PALM2AKAP2: variants seen among roughly 807,000 people sequenced by gnomAD.
PALM2AKAP2 encodes the protein PALM2-AKAP2 fusion protein.
In PALM2AKAP2, 37 loss-of-function variants were observed where a neutral mutation model predicts 71.5. The ratio of observed to expected loss-of-function variants is 0.52; its 90% confidence interval spans 0.40 to 0.68. The LOEUF is 0.68. Among genes scored for constraint, PALM2AKAP2 ranks in the 30% least tolerant of loss-of-function variants. PALM2AKAP2 has a pLI of 0.00. For missense variants in PALM2AKAP2, 1,224 were observed against 1,191.8 expected (o/e 1.03, Z -0.40); for synonymous variants, 468 against 478.8 (o/e 0.98, Z 0.29).
intron 6 of PALM2AKAP2, among the ~76,000 whole-genome samples, chr9:109,975,842 G>A (rs1832162913): frequency 6.6e-6 from 1 of 152,192 alleles, no homozygotes. Flanking sequence ...CATTGCTGGG[G>A]AACCACGGGG....
chr9:109,656,460 C>T (rs1304981475), intron 1 of PALM2AKAP2, among the ~76,000 whole-genome samples: 2 of 152,204 alleles, frequency 1.3e-5, no homozygotes, highest in Admixed American at 6.5e-5. Flanking sequence ...TAGGTCCCTT[C>T]CAGAGTTTTC....
Position 109,686,804 on chromosome 9 carries a change from T to A in PALM2AKAP2, c.5+45938T>A, listed in dbSNP as rs558838304. Among the ~76,000 whole-genome samples the A allele has an allele frequency of 5.3e-5, 8 of 151,866 alleles. No homozygotes were observed. The East Asian group carries it at 1.6e-3, about 30-fold the overall frequency. On this transcript the variant is annotated intron_variant, in intron 1 of 6. Transcript: ENST00000374531. Reference sequence around the variant, plus strand: ...AACTCCTCATTTAACATTAGGTATATCTCCTAGTGCTATCCCTCCCCCCTC... The same window carrying A: ...AACTCCTCATTTAACATTAGGTATAACTCCTAGTGCTATCCCTCCCCCCTC...
Position 109,806,615 on chromosome 9 carries a change from C to G in PALM2AKAP2, c.45+26082C>G, listed in dbSNP as rs1051980276. Reference sequence around the variant, plus strand: ...CCTTACTAATAAGCTAGTGTTGGAGCTGTGATAAAAAACAAAGAGTGAGCC... The same window carrying G: ...CCTTACTAATAAGCTAGTGTTGGAGGTGTGATAAAAAACAAAGAGTGAGCC... On this transcript the variant is annotated intron_variant, in intron 1 of 9. Transcript: ENST00000302798. Among the ~76,000 whole-genome samples, 3 of 152,122 alleles carry G rather than the reference C, an allele frequency of 2.0e-5. No individual in the cohort carries two copies. In the East Asian group the frequency reaches 5.8e-4, roughly 29 times the overall value.
chr9:109,658,355 T>G (rs1827338960), intron 1 of PALM2AKAP2, among the ~76,000 whole-genome samples: 1 of 152,076 alleles, frequency 6.6e-6, no homozygotes, highest in African/African-American at 2.4e-5. Context: ...TGTAATCAGG[T>G]TTTCATTCCC....
chr9:110,143,801 T>C (rs370225613), intron 2 of PALM2AKAP2, among the ~76,000 whole-genome samples: 1 of 152,124 alleles, frequency 6.6e-6, no homozygotes, highest in African/African-American at 2.4e-5. Context: ...TTATGGAGAG[T>C]GGCAAAAGAG....
In PALM2AKAP2 at chr9:109,656,424, A is replaced by G. The variant is rs547288973; in HGVS notation, c.5+15558A>G. ...TTCCTTTTGCAAACTTTACAAAAAC[A>G]TGCCCATCCCTTGAAAACACATTAC... On this transcript the variant is annotated intron_variant, in intron 1 of 6. Coordinates refer to the PALM2AKAP2 transcript ENST00000374531. Among the ~76,000 whole-genome samples the G allele has an allele frequency of 4.6e-4, 70 of 152,334 alleles. No homozygotes were observed. In the Middle Eastern group the frequency reaches 0.01, roughly 22 times the overall value.
At chr9:109,844,437 A>G (rs1296694049) in intron 1 of PALM2AKAP2, among the ~76,000 whole-genome samples, 1 of 152,204 alleles carries the variant, frequency 6.6e-6, no homozygotes, top group African/African-American at 2.4e-5. Context: ...GGGGGAAAAA[A>G]AATAGTGCAA....
chr9:109,962,260 A>G (rs1831864371), intron 6 of PALM2AKAP2, among the ~76,000 whole-genome samples: 1 of 152,206 alleles, frequency 6.6e-6, no homozygotes, highest in Admixed American at 6.5e-5. Flanking sequence ...CCTGGTAAAT[A>G]CTGGCAGAAC....
chr9:110,019,649 C>A (rs1054729683), intron 7 of PALM2AKAP2, among the ~76,000 whole-genome samples: 1 of 152,110 alleles, frequency 6.6e-6, no homozygotes, highest in Non-Finnish European at 1.5e-5. Flanking sequence ...TTTGTAGCAA[C>A]ATGGATGCAG....
rs1828241697 is a variant in PALM2AKAP2 at position 109,711,686 on chromosome 9, C to A, written c.6-68802C>A. Among the ~76,000 whole-genome samples, 7 of 152,200 alleles carry A rather than the reference C, an allele frequency of 4.6e-5. No homozygotes were observed. In the South Asian group the frequency reaches 1.4e-3, roughly 32 times the overall value. The stretch of plus-strand genomic sequence containing the variant: ...GAGAGAAAAGGTGGCATCCTTCTCC[C>A]TGTGAAAGTCGCCTTAAGAAAGCTT... On this transcript the variant is annotated intron_variant, in intron 1 of 6. Transcript: ENST00000374531.
chr9:110,153,596 T>C (rs1836376208), intron 2 of PALM2AKAP2, among the ~76,000 whole-genome samples: 1 of 152,262 alleles, frequency 6.6e-6, no homozygotes, highest in East Asian at 1.9e-4. Flanking sequence ...GGTTGTTATA[T>C]ATATTTCATA....
intron 1 of PALM2AKAP2, among the ~76,000 whole-genome samples, chr9:109,706,349 A>G (rs1828144302): frequency 6.6e-6 from 1 of 152,208 alleles, no homozygotes; most frequent in African/African-American, 2.4e-5. Context: ...CAAACTTAAA[A>G]AATCATTTAT....
chr9:109,874,957 A>T (rs1006025930), intron 2 of PALM2AKAP2, among the ~76,000 whole-genome samples: 2 of 152,184 alleles, frequency 1.3e-5, no homozygotes, highest in East Asian at 3.9e-4. Flanking sequence ...ACCATGCAAT[A>T]AACTCCCATC....
chr9:110,168,293 T>A (rs534856184), intron 3 of PALM2AKAP2, 106 bp from the exon 11 acceptor site: 2 of 1,374,746 alleles, frequency 1.5e-6, no homozygotes, highest in Non-Finnish European at 2.0e-6. Flanking sequence ...TATCACTTTC[T>A]CCTCTCAAGT....
intron 1 of PALM2AKAP2, among the ~76,000 whole-genome samples, chr9:110,120,487 C>T (rs1258797237): frequency 6.6e-6 from 1 of 152,184 alleles, no homozygotes; most frequent in Non-Finnish European, 1.5e-5. Flanking sequence ...GGGCTTCAGA[C>T]CCTCTTCTCT....
At chr9:109,717,938 G>A (rs1828351273) in intron 1 of PALM2AKAP2, among the ~76,000 whole-genome samples, 1 of 152,180 alleles carries the variant, frequency 6.6e-6, no homozygotes, top group Non-Finnish European at 1.5e-5. Context: ...GGAGATATGT[G>A]GAAAGAGAGA....
intron 1 of PALM2AKAP2, among the ~76,000 whole-genome samples, chr9:110,092,372 CAA>C (rs1426957299): frequency 6.6e-6 from 1 of 152,066 alleles, no homozygotes; most frequent in Non-Finnish European, 1.5e-5. Flanking sequence ...ATCCTTTTCT[CAA>C]AGTTATAAAT....
chr9:110,029,739 A>C (rs1430438944), intron 7 of PALM2AKAP2, among the ~76,000 whole-genome samples: 2 of 152,262 alleles, frequency 1.3e-5, no homozygotes, highest in Non-Finnish European at 2.9e-5. Flanking sequence ...ACCCAGTGAC[A>C]GAAACTATTG....
intron 3 of PALM2AKAP2, among the ~76,000 whole-genome samples, chr9:109,909,309 T>C (rs1830520430): frequency 6.6e-6 from 1 of 152,244 alleles, no homozygotes; most frequent in Non-Finnish European, 1.5e-5. Flanking sequence ...TAATCTGTTG[T>C]TTTTACTAAG....
Sources: gnomAD v4.1 joint callset for allele counts (sites outside exome capture counted in the v4.1 genomes callset) on GRCh38, gnomAD v4.1.1 for gene constraint, MANE v1.5 for transcripts, NCBI Gene and HGNC (gene_info 2026-07-23, HGNC 2026-07-21) for gene names.